Variants in PRKCH observed in about 807,000 individuals in gnomAD.
PRKCH encodes protein kinase C eta type.
In PRKCH, 28 loss-of-function variants were observed where a neutral mutation model predicts 82.5. The observed-to-expected ratio is 0.34, with a 90% CI of 0.25 to 0.47. The LOEUF is 0.47. Among genes scored for constraint, PRKCH ranks in the 20% least tolerant of loss-of-function variants. PRKCH has a pLI of 1.00. For missense variants in PRKCH, 705 were observed against 881.8 expected, an observed-to-expected ratio of 0.80 and a Z score of 2.54; for synonymous variants, 322 against 327.4, an observed-to-expected ratio of 0.98 and a Z score of 0.18.
chr14:61,480,302 C>T (rs1885916596), intron 9 of PRKCH, among the ~76,000 whole-genome samples: 1 of 152,138 alleles, frequency 6.6e-6, no homozygotes, highest in African/African-American at 2.4e-5. Context: ...TCCCTAAATG[C>T]AGGATTTCCA....
chr14:61,540,096 C>T (rs962100426), intron 12 of PRKCH, among the ~76,000 whole-genome samples: 23 of 152,164 alleles, frequency 1.5e-4, no homozygotes, highest in Non-Finnish European at 3.1e-4. Flanking sequence ...GCAAAAAGAC[C>T]CTCAGTAGTT....
chr14:61,464,958 C>T (rs114967194), intron 9 of PRKCH, among the ~76,000 whole-genome samples: 3,616 of 152,188 alleles, frequency 0.024, 159 homozygotes, highest in African/African-American at 0.082. Flanking sequence ...CTTGAGGAGT[C>T]GCCACATGGT....
chr14:61,224,685 A>G (rs1259472949), intron 1 of PRKCH, among the ~76,000 whole-genome samples: 1 of 152,310 alleles, frequency 6.6e-6, no homozygotes, highest in East Asian at 1.9e-4. Flanking sequence ...CCGGAGATCC[A>G]TGTGTCCACA....
chr14:61,248,825 C>T (rs2044912426), intron 1 of PRKCH, among the ~76,000 whole-genome samples: 1 of 151,752 alleles, frequency 6.6e-6, no homozygotes, highest in South Asian at 2.1e-4. Context: ...TATTTAGAGA[C>T]AGCATCCCAC....
chr14:61,276,608 G>A (rs982055464), intron 1 of PRKCH, among the ~76,000 whole-genome samples: 6 of 151,590 alleles, frequency 4.0e-5, no homozygotes, highest in Non-Finnish European at 8.8e-5. Context: ...CATCCACCTC[G>A]GCCTCCCAAA....
At chr14:61,215,733 G>T (rs1033012445) in intron 1 of PRKCH, among the ~76,000 whole-genome samples, 2 of 152,128 alleles carry the variant, frequency 1.3e-5, no homozygotes, top group African/African-American at 4.8e-5. Flanking sequence ...GCCATGTTTC[G>T]ATAGAAGAGT....
intron 12 of PRKCH, among the ~76,000 whole-genome samples, chr14:61,539,126 G>A (rs142792498): frequency 2.0e-5 from 3 of 152,302 alleles, no homozygotes; most frequent in East Asian, 1.9e-4. Context: ...GTCTAACAAC[G>A]GGCATTGGCA....
intron 1 of PRKCH, among the ~76,000 whole-genome samples, chr14:61,300,039 T>C (rs1330336404): frequency 1.3e-5 from 2 of 152,228 alleles, no homozygotes; most frequent in African/African-American, 2.4e-5. Context: ...TTTTTCTTTC[T>C]CTTATAATCC....
chr14:61,436,745 C>T lies in PRKCH; in HGVS notation c.428-6366C>T, dbSNP rs558383008. 3.3e-5 allele frequency among the ~76,000 whole-genome samples: 5 copies of T among 152,300 alleles called. No individual in the cohort carries two copies. In the South Asian group the frequency reaches 6.2e-4, roughly 19 times the overall value. ...ATGGGGTTTCACCATGTTGGCCAGA[C>T]GGTCTTGAACTCCTGACCTCAGGTC... On this transcript the variant is annotated intron_variant, in intron 2 of 13. Coordinates refer to ENST00000332981, the MANE Select transcript of PRKCH (RefSeq NM_006255.5).
intron 1 of PRKCH, among the ~76,000 whole-genome samples, chr14:61,384,913 T>C (rs1189424823): frequency 1.3e-5 from 2 of 152,110 alleles, no homozygotes; most frequent in Non-Finnish European, 2.9e-5. Context: ...TAAGTTACAA[T>C]GTATGGGTTG....
intron 9 of PRKCH, among the ~76,000 whole-genome samples, chr14:61,461,006 C>T (rs1246264404): frequency 5.3e-5 from 8 of 152,064 alleles, no homozygotes; most frequent in South Asian, 2.1e-4. Context: ...TGGACTCCCA[C>T]GCCACCCCAG....
intron 2 of PRKCH, among the ~76,000 whole-genome samples, chr14:61,391,850 A>T (rs764886767): frequency 1.3e-5 from 2 of 152,326 alleles, no homozygotes; most frequent in East Asian, 3.9e-4. Context: ...CAACTGCATA[A>T]CCAGCACCCC....
intron 1 of PRKCH, among the ~76,000 whole-genome samples, chr14:61,348,246 C>G (rs1162057602): frequency 1.3e-5 from 2 of 152,110 alleles, no homozygotes; most frequent in Non-Finnish European, 2.9e-5. Flanking sequence ...GACTGATTGC[C>G]CATATGTTCC....
chr14:61,394,766 T>C (rs570773176), intron 2 of PRKCH, among the ~76,000 whole-genome samples: 2 of 152,216 alleles, frequency 1.3e-5, no homozygotes, highest in Non-Finnish European at 1.5e-5. Flanking sequence ...ACTAGGTCAT[T>C]GCAGTTGTGT....
At chr14:61,269,399 G>T (rs544959278) in intron 1 of PRKCH, among the ~76,000 whole-genome samples, 1 of 152,226 alleles carries the variant, frequency 6.6e-6, no homozygotes, top group South Asian at 2.1e-4. Context: ...GGGTACACGT[G>T]CAGGTTTGTT....
chr14:61,200,313 A>G (rs886102410), intron 1 of PRKCH, among the ~76,000 whole-genome samples: 8 of 152,214 alleles, frequency 5.3e-5, no homozygotes, highest in African/African-American at 1.2e-4. Flanking sequence ...TTCATTCATT[A>G]TAATTCCCTC....
At chr14:61,292,771 C>CAA (rs33918460) in intron 1 of PRKCH, among the ~76,000 whole-genome samples, 2,167 of 69,180 alleles carry the variant, frequency 0.031, 94 homozygotes, top group African/African-American at 0.06. Context: ...ACTCCATCTC[C>CAA]AAAAAAAAAA....
intron 1 of PRKCH, among the ~76,000 whole-genome samples, chr14:61,329,254 T>TTTTTTTTTTTG (rs1555375988): frequency 3.8e-4 from 46 of 122,510 alleles, no homozygotes; most frequent in African/African-American, 5.8e-4. Context: ...TTTTTTTTTT[T>TTTTTTTTTTTG]GAGACAGAAT....
chr14:61,192,130 G>A (rs933869783), intron 1 of PRKCH, among the ~76,000 whole-genome samples: 10 of 151,928 alleles, frequency 6.6e-5, no homozygotes, highest in African/African-American at 2.4e-4. Flanking sequence ...AAATAGGAAG[G>A]TTTTAAGCAG....
Sources: gnomAD v4.1 joint callset for allele counts (sites outside exome capture counted in the v4.1 genomes callset) on GRCh38, gnomAD v4.1.1 for gene constraint, MANE v1.5 for transcripts, NCBI Gene and HGNC (gene_info 2026-07-23, HGNC 2026-07-21) for gene names.